The following CC2D1A variants were observed in gnomAD, a reference collection of about 807,000 sequenced individuals.
CC2D1A encodes coiled-coil and C2 domain containing 1A.
Under a neutral mutation model 123.8 loss-of-function variants are expected in CC2D1A, and 68 were observed. The observed-to-expected ratio is 0.55, with a 90% CI of 0.45 to 0.67. CC2D1A has a LOEUF of 0.67. CC2D1A is among the 30% of genes least tolerant of loss of function. The pLI, the probability that CC2D1A is intolerant of heterozygous loss-of-function variation, is 0.00. For synonymous variants in CC2D1A, 477 were observed against 528.0 expected, an observed-to-expected ratio of 0.90 and a Z score of 1.32; for missense variants, 1,185 against 1,290.3, an observed-to-expected ratio of 0.92 and a Z score of 1.25.
chr19:13,927,171 A>G lies in CC2D1A; in HGVS notation c.2226-4A>G. 1 of 1,613,946 alleles carries G rather than the reference A, an allele frequency of 6.2e-7. No homozygotes were observed. The highest frequency in any genetic ancestry group is 8.5e-7 in the Non-Finnish European group (1 of 1,179,920). ...CTGTCCCCACTATACACACATGCAC[A>G]CAGGGGGCTGTTCAAGACTGACCGG... On this transcript the variant is annotated splice_region_variant and splice_polypyrimidine_tract_variant and intron_variant, in intron 21 of 28. Coordinates refer to ENST00000318003, the MANE Select transcript of CC2D1A (RefSeq NM_017721.5).
Position 13,918,818 on chromosome 19 carries a change from G to A in CC2D1A, c.1018+1G>A. On this transcript the variant is annotated splice_donor_variant, in intron 9 of 28. Coordinates refer to ENST00000318003, the MANE Select transcript of CC2D1A (RefSeq NM_017721.5). LOFTEE classifies it high-confidence loss of function. ...CCCGCTACGGCGCCCTCCACAACAG[G>A]TAGGTTCTGGGACCCTCTGGGGTTG... is the stretch of plus-strand genomic sequence containing the variant. The A allele has an allele frequency of 2.5e-6, 4 of 1,613,566 alleles. No homozygotes were observed. Among genetic ancestry groups the A allele is most frequent in the Non-Finnish European group, 3.4e-6 (4 of 1,179,784 alleles).
At chr19:13,914,366 G>A (rs1453760895) in intron 6 of CC2D1A, among the ~76,000 whole-genome samples, 3 of 143,188 alleles carry the variant, frequency 2.1e-5, no homozygotes, top group Admixed American at 1.4e-4. Context: ...TCGGAGTCTC[G>A]CTCTGTCACC....
chr19:13,926,565 G>A lies in CC2D1A; in HGVS notation c.1989G>A (p.Lys663=), dbSNP rs754491674. The A allele has an allele frequency of 1.2e-6, 2 of 1,614,162 alleles. No individual in the cohort carries two copies. The highest frequency in any genetic ancestry group is 4.5e-5 in the East Asian group (2 of 44,862). Residue 663 remains lysine (K), a synonymous_variant, in exon 18 of 29, where the codon AAG becomes AAA. Transcript: ENST00000318003. ...ACGACATGCTCCTCTTCATCGTGAA[G>A]GGCATCAACTTGCCCACACCCCCAG... The part of the protein sequence containing the change: ...SSNDMLLFIV[K]GINLPTPPGL...
chr19:13,926,295 TAC>T (rs1971637783), intron 17 of CC2D1A, among the ~76,000 whole-genome samples: 1 of 151,852 alleles, frequency 6.6e-6, no homozygotes, highest in Non-Finnish European at 1.5e-5. Context: ...CAAATAAATA[TAC>T]ACAGACTGAA....
rs777124179 is a variant in CC2D1A at position 13,923,402 on chromosome 19, G to A, written c.1711G>A (p.Glu571Lys). The A allele has an allele frequency of 6.2e-7, 1 of 1,613,374 alleles. No individual in the cohort carries two copies. Among genetic ancestry groups the A allele is most frequent in the Non-Finnish European group, 8.5e-7 (1 of 1,180,008 alleles). ...VQRPGPGLSQEAARRYGELTK... is the reference protein window; with the variant it reads ...VQRPGPGLSQKAARRYGELTK... Reference sequence around the variant, plus strand: ...GCGGCCTGGCCCGGGTCTGTCTCAGGAGGCCGCCCGGCGCTATGGTGAACT... The same window carrying A: ...GCGGCCTGGCCCGGGTCTGTCTCAGAAGGCCGCCCGGCGCTATGGTGAACT... The change falls in exon 15 of 29, where the codon GAG becomes AAG. Residue 571 changes from glutamate (E) to lysine (K), a missense_variant. Transcript: ENST00000318003. The surrounding 1 kb of genome is among the most constrained non-coding windows in gnomAD (Gnocchi z 5.3).
At chr19:13,912,486 C>A (rs1173126585) in intron 3 of CC2D1A, 42 bp from the exon 4 acceptor site, 1 of 1,614,080 alleles carries the variant, frequency 6.2e-7, no homozygotes, top group South Asian at 1.1e-5. Context: ...TGCCCCCATC[C>A]AGCAGGCCCT....
At position 13,913,442 on chromosome 19, in the gene CC2D1A, T is replaced by C. The variant is rs759186013; in HGVS notation, c.552T>C (p.Asn184=). The C allele has an allele frequency of 2.3e-5, 37 of 1,614,082 alleles. No homozygotes were observed. The highest frequency in any genetic ancestry group is 3.1e-5 in the Non-Finnish European group (36 of 1,180,044). ...TGCTCGCCTCCATCCGTAAGGGCAATGCCATTGACGAAGCGGACATCCCGC... is the reference window on the plus strand; with the variant it reads ...TGCTCGCCTCCATCCGTAAGGGCAACGCCATTGACGAAGCGGACATCCCGC... ...ENLLASIRKG[N]AIDEADIPPP... Residue 184 remains asparagine (N), a synonymous_variant, in exon 6 of 29, where the codon AAT becomes AAC. Transcript: ENST00000318003.
In CC2D1A at chr19:13,906,465, G is replaced by A. The variant is rs769077786; in HGVS notation, c.24G>A (p.Pro8=). Residue 8 remains proline, a synonymous_variant, in exon 1 of 29, where the codon CCG becomes CCA. Coordinates refer to ENST00000318003, the MANE Select transcript of CC2D1A (RefSeq NM_017721.5). The surrounding 1 kb of genome is among the most constrained non-coding windows in gnomAD (Gnocchi z 4.1). ...AGATGCACAAGAGGAAAGGACCCCC[G>A]GGACCCCCGGGCAGAGGCGCCGCGG... MHKRKGP[P]GPPGRGAAAA... is the part of the protein sequence containing the mutation. 4.6e-6 allele frequency: 7 copies of A among 1,512,392 alleles called. No homozygotes were observed. The African/African-American group carries it at 5.7e-5, about 12-fold the overall frequency. 93.7% of individuals were successfully genotyped at this position (1,512,392 alleles called of 1,614,324 possible). A position where few individuals can be genotyped will look rare whatever the true frequency, so the allele number is the denominator to read the frequency against.
In CC2D1A at chr19:13,920,780, G is replaced by A. The variant is rs777635204; in HGVS notation, c.1499G>A (p.Arg500His). The A allele has an allele frequency of 6.2e-6, 10 of 1,613,708 alleles. No individual in the cohort carries two copies. The highest frequency in any genetic ancestry group is 5.5e-5 in the South Asian group (5 of 91,064). The stretch of plus-strand genomic sequence containing the variant: ...CAGCAGCTGGCCTTCCTAGAGGGCC[G>A]CAAGAAGCAGCTCCTGCAGGCCGCA... ...AQQQLAFLEG[R>H]KKQLLQAALR... Residue 500 changes from arginine (R) to histidine (H), a missense_variant, in exon 14 of 29, where the codon CGC becomes CAC. Transcript: ENST00000318003.
intron 7 of CC2D1A, 53 bp from the exon 8 acceptor site, chr19:13,918,451 G>A: frequency 1.3e-6 from 2 of 1,549,000 alleles, no homozygotes; most frequent in Non-Finnish European, 1.8e-6. Context: ...CTCCCCACAG[G>A]GTCCAAGCCC....
intron 17 of CC2D1A, among the ~76,000 whole-genome samples, chr19:13,925,937 T>C (rs201735891): frequency 1.1e-5 from 1 of 92,424 alleles, no homozygotes; most frequent in African/African-American, 5.4e-5. Flanking sequence ...AAAAAAAATA[T>C]ATATATATAT....
rs760508672 is a variant in CC2D1A at position 13,929,587 on chromosome 19, G to A, written c.2637G>A (p.Gln879=). Residue 879 remains glutamine, a synonymous_variant, in exon 26 of 29, where the codon CAG becomes CAA. Transcript: ENST00000318003. ...RRPVPPEVAQ[Q]YQDIMQRSQW... Reference sequence around the variant, plus strand: ...CGGTGCCCCCAGAAGTGGCCCAGCAGTACCAGGACATCATGCAACGCAGCC... The same window carrying A: ...CGGTGCCCCCAGAAGTGGCCCAGCAATACCAGGACATCATGCAACGCAGCC... 2 of 1,607,166 alleles carry A rather than the reference G, an allele frequency of 1.2e-6. No individual in the cohort carries two copies. Among genetic ancestry groups the A allele is most frequent in the Non-Finnish European group, 1.7e-6 (2 of 1,178,326 alleles).
At chr19:13,925,363 G>A (rs577426358) in intron 17 of CC2D1A, among the ~76,000 whole-genome samples, 22 of 152,120 alleles carry the variant, frequency 1.4e-4, no homozygotes, top group African/African-American at 4.8e-4. Flanking sequence ...GGTGGATCAC[G>A]AGGTCAGGAG....
At chr19:13,907,845 G>C (rs2079103001) in intron 1 of CC2D1A, among the ~76,000 whole-genome samples, 1 of 152,058 alleles carries the variant, frequency 6.6e-6, no homozygotes, top group Admixed American at 6.6e-5. Flanking sequence ...ATTACTAGTT[G>C]GTGGAACCAT....
chr19:13,911,327 A>G (rs907515024), intron 2 of CC2D1A, among the ~76,000 whole-genome samples: 7 of 152,208 alleles, frequency 4.6e-5, no homozygotes, highest in Non-Finnish European at 1.0e-4. Flanking sequence ...GCAGCTTTAT[A>G]GAATGTAACA....
intron 17 of CC2D1A, among the ~76,000 whole-genome samples, chr19:13,924,584 C>G (rs1378721538): frequency 6.6e-6 from 1 of 152,128 alleles, no homozygotes; most frequent in African/African-American, 2.4e-5. Flanking sequence ...ATTCTCCTGC[C>G]TCAGCCTCCC....
intron 8 of CC2D1A, 22 bp downstream of exon 8, chr19:13,918,598 C>T (rs757661925): frequency 1.9e-6 from 3 of 1,610,856 alleles, no homozygotes; most frequent in African/African-American, 2.7e-5. Context: ...GCCATGCCCA[C>T]TCTCTGGGAT....
At chr19:13,918,840 G>T in intron 9 of CC2D1A, 23 bp downstream of exon 9, 1 of 1,612,132 alleles carries the variant, frequency 6.2e-7, no homozygotes. Context: ...ACCCTCTGGG[G>T]TTGGGGGCAG....
At position 13,920,786 on chromosome 19, in the gene CC2D1A, A is replaced by G. The variant is rs776311193; in HGVS notation, c.1505A>G (p.Lys502Arg). The G allele has an allele frequency of 6.2e-7, 1 of 1,613,908 alleles. No individual in the cohort carries two copies. Among genetic ancestry groups the G allele is most frequent in the Non-Finnish European group, 8.5e-7 (1 of 1,179,932 alleles). ...QQLAFLEGRKKQLLQAALRAK... is the reference protein window; with the variant it reads ...QQLAFLEGRKRQLLQAALRAK... ...CTGGCCTTCCTAGAGGGCCGCAAGA[A>G]GCAGCTCCTGCAGGCCGCACTGCGA... Residue 502 changes from lysine to arginine, a missense_variant, in exon 14 of 29, where the codon AAG (lysine) becomes AGG (arginine). Physicochemically the swap from Lys to Arg is conservative, Grantham distance 26 (BLOSUM62 2). Coordinates refer to ENST00000318003, the MANE Select transcript of CC2D1A (RefSeq NM_017721.5).
Sources: allele counts gnomAD v4.1 joint callset (sites outside exome capture counted in the v4.1 genomes callset), GRCh38; gene constraint gnomAD v4.1.1; non-coding constraint Gnocchi (gnomAD v3.1); transcripts MANE v1.5; gene names NCBI Gene and HGNC (gene_info 2026-07-23, HGNC 2026-07-21).